WDR49: variants seen among roughly 807,000 people sequenced by gnomAD.
WDR49 encodes the protein WD repeat domain 49, also known as cilia- and flagella-associated protein 337.
WDR49 carries 107 observed loss-of-function variants against 119.5 expected under a neutral mutation model. That is an observed-to-expected ratio of 0.90 (90% CI 0.77 to 1.05). The LOEUF is 1.05. Ranked by LOEUF, WDR49 falls within the 50% of genes least tolerant of loss-of-function variation. The pLI is 0.00. For missense variants in WDR49, 1,240 were observed against 1,220.5 expected (o/e 1.02, Z -0.24); for synonymous variants, 425 against 418.8 (o/e 1.01, Z -0.18).
intron 7 of WDR49, among the ~76,000 whole-genome samples, chr3:167,593,507 C>T (rs1312803067): frequency 6.6e-6 from 1 of 151,924 alleles, no homozygotes; most frequent in African/African-American, 2.4e-5. Context: ...TGAATTCCTT[C>T]TCTGTGTTAT....
chr3:167,571,433 T>C (rs1268834105), intron 8 of WDR49, among the ~76,000 whole-genome samples: 1 of 152,204 alleles, frequency 6.6e-6, no homozygotes, highest in African/African-American at 2.4e-5. Flanking sequence ...GCATATCCTT[T>C]AGCCTAGAAA....
At chr3:167,522,720 C>T (rs1356302120) in intron 15 of WDR49, among the ~76,000 whole-genome samples, 1 of 152,068 alleles carries the variant, frequency 6.6e-6, no homozygotes, top group Non-Finnish European at 1.5e-5. Flanking sequence ...AACAAAAATT[C>T]TCTGAAGAGA....
intron 16 of WDR49, among the ~76,000 whole-genome samples, chr3:167,510,174 G>C (rs977737042): frequency 6.6e-6 from 1 of 152,176 alleles, no homozygotes; most frequent in African/African-American, 2.4e-5. Context: ...CACGAGGTCA[G>C]GAGTTCAAGA....
intron 5 of WDR49, among the ~76,000 whole-genome samples, chr3:167,613,146 C>T (rs1418574846): frequency 6.6e-6 from 1 of 152,162 alleles, no homozygotes; most frequent in Admixed American, 6.5e-5. Flanking sequence ...GATATCAAAA[C>T]ATCTCATGTA....
chr3:167,563,092 C>T (rs1713365484), intron 8 of WDR49, among the ~76,000 whole-genome samples: 1 of 152,082 alleles, frequency 6.6e-6, no homozygotes, highest in African/African-American at 2.4e-5. Context: ...TAGGGCCGGG[C>T]GCGGTGGCTC....
rs1309167258 is a variant in WDR49, at chr3:167,620,444, C to A, written c.943G>T (p.Asp315Tyr). The A allele has an allele frequency of 1.3e-6, 2 of 1,535,416 alleles. No homozygotes were observed. The highest frequency in any genetic ancestry group is 8.7e-7 in the Non-Finnish European group (1 of 1,146,288). ...HILEHKLHQG[D>Y]WVRQVTYNAS... ...AATTCAATACCTTGCCTGACCCAAT[C>A]TCCTTGATGAAGTTTATGCTCTAAT... The change falls in exon 5 of 19, where the codon GAT becomes TAT. Residue 315 changes from aspartate to tyrosine, a missense_variant. Asp to Tyr is a radical substitution (Grantham distance 160). Coordinates refer to ENST00000682715, the MANE Select transcript of WDR49 (RefSeq NM_001366157.1).
chr3:167,521,252 G>C (rs184707094), intron 16 of WDR49, among the ~76,000 whole-genome samples: 34 of 152,258 alleles, frequency 2.2e-4, no homozygotes, highest in African/African-American at 8.2e-4. Context: ...AGCTGGAGGA[G>C]GTGAGCCATA....
chr3:167,508,084 T>A (rs538147147), intron 16 of WDR49, among the ~76,000 whole-genome samples: 3 of 152,188 alleles, frequency 2.0e-5, no homozygotes, highest in Non-Finnish European at 4.4e-5. Flanking sequence ...AGGCTCTAAC[T>A]AATCTCACTT....
intron 7 of WDR49, among the ~76,000 whole-genome samples, chr3:167,587,792 A>G (rs988825076): frequency 6.6e-6 from 1 of 151,606 alleles, no homozygotes; most frequent in Admixed American, 6.6e-5. Flanking sequence ...CCTCTTTTTC[A>G]TTTTTTCTAA....
At chr3:167,597,610 C>G (rs1277782345) in intron 7 of WDR49, among the ~76,000 whole-genome samples, 1 of 152,126 alleles carries the variant, frequency 6.6e-6, no homozygotes, top group East Asian at 1.9e-4. Context: ...GTAAAAGCAG[C>G]CACAAGGATG....
rs1369786285 is a variant in WDR49, at chr3:167,639,009, GT to G, written c.166-11718del. 2.0e-5 allele frequency among the ~76,000 whole-genome samples: 3 copies of G among 151,534 alleles called. No homozygotes were observed. In the East Asian group the frequency reaches 5.8e-4, roughly 29 times the overall value. On this transcript the variant is annotated intron_variant, in intron 2 of 18. Coordinates refer to ENST00000682715, the MANE Select transcript of WDR49 (RefSeq NM_001366157.1). ...ATCATCACCCCTGAGAAATATAATT[GT>G]TCTTATTAATTTTCTCTAAGTCTGT... is the stretch of plus-strand genomic sequence containing the variant.
intron 16 of WDR49, among the ~76,000 whole-genome samples, chr3:167,511,283 A>T (rs1042530874): frequency 6.6e-6 from 1 of 152,226 alleles, no homozygotes; most frequent in Non-Finnish European, 1.5e-5. Flanking sequence ...AAATTATATC[A>T]ATCCAGTCTC....
At chr3:167,533,120 A>G in intron 11 of WDR49, 143 bp from the exon 12 acceptor site, 2 of 526,652 alleles carry the variant, frequency 3.8e-6, no homozygotes, top group Non-Finnish European at 6.7e-6. Context: ...TAGAAACATG[A>G]ATAATAATAA....
chr3:167,506,237 A>G (rs1278625244), intron 16 of WDR49, among the ~76,000 whole-genome samples: 1 of 151,976 alleles, frequency 6.6e-6, no homozygotes, highest in Non-Finnish European at 1.5e-5. Context: ...TATATCTTCT[A>G]TGGATTTTGT....
intron 7 of WDR49, among the ~76,000 whole-genome samples, chr3:167,600,465 C>G (rs1307028438): frequency 6.6e-6 from 1 of 152,180 alleles, no homozygotes; most frequent in Non-Finnish European, 1.5e-5. Context: ...ACTGTGAGTG[C>G]TCACCTGATT....
chr3:167,527,094 A>G (rs1170089997), intron 15 of WDR49, among the ~76,000 whole-genome samples: 1 of 152,172 alleles, frequency 6.6e-6, no homozygotes, highest in Non-Finnish European at 1.5e-5. Context: ...TTTCATAGGC[A>G]GGAGCAAGTC....
chr3:167,603,082 A>G (rs1715861377), intron 6 of WDR49, among the ~76,000 whole-genome samples: 1 of 152,156 alleles, frequency 6.6e-6, no homozygotes, highest in Non-Finnish European at 1.5e-5. Context: ...CAAGCAAAAA[A>G]GCAGCACAAA....
At chr3:167,588,580 C>T (rs972406394) in intron 7 of WDR49, among the ~76,000 whole-genome samples, 6 of 152,142 alleles carry the variant, frequency 3.9e-5, no homozygotes, top group African/African-American at 1.2e-4. Flanking sequence ...TATCCACATC[C>T]TCACCAGCAT....
chr3:167,582,825 G>A (rs1714610702), intron 7 of WDR49, among the ~76,000 whole-genome samples: 1 of 152,060 alleles, frequency 6.6e-6, no homozygotes, highest in Non-Finnish European at 1.5e-5. Context: ...GTGCAGGCCT[G>A]TAATTCCAGC....
Sources: gnomAD v4.1 joint callset for allele counts (sites outside exome capture counted in the v4.1 genomes callset) on GRCh38, gnomAD v4.1.1 for gene constraint, MANE v1.5 for transcripts, NCBI Gene and HGNC (gene_info 2026-07-23, HGNC 2026-07-21) for gene names.